Variants in CNTNAP2 observed in about 807,000 individuals in gnomAD.
The protein encoded by CNTNAP2 is contactin associated protein 2, also known as contactin-associated protein-like 2.
Under a neutral mutation model 155.2 loss-of-function variants are expected in CNTNAP2, and 98 were observed. That is an observed-to-expected ratio of 0.63 (90% confidence interval 0.54 to 0.75). CNTNAP2 has a LOEUF of 0.75. Among genes scored for constraint, CNTNAP2 ranks in the 30% least tolerant of loss-of-function variants. The probability of loss-of-function intolerance (pLI) is 0.00; values close to 1 mark genes in which losing one functional copy is unlikely to be tolerated. For missense variants in CNTNAP2, 1,727 were observed against 1,688.1 expected (o/e 1.02, Z -0.40); for synonymous variants, 651 against 631.2 (o/e 1.03, Z -0.47).
At chr7:146,266,354 A>T (rs1353755504) in intron 1 of CNTNAP2, among the ~76,000 whole-genome samples, 1 of 152,140 alleles carries the variant, frequency 6.6e-6, no homozygotes, top group East Asian at 1.9e-4. Context: ...AAAGCATCCC[A>T]CAGTTCTATA....
chr7:147,712,795 A>G (rs1796419277), intron 13 of CNTNAP2, among the ~76,000 whole-genome samples: 1 of 152,166 alleles, frequency 6.6e-6, no homozygotes, highest in Non-Finnish European at 1.5e-5. Context: ...CCTAATGTAA[A>G]TGACCAGTTA....
chr7:147,423,993 C>T (rs117458207), intron 10 of CNTNAP2, among the ~76,000 whole-genome samples: 222 of 152,308 alleles, frequency 1.5e-3, no homozygotes, highest in Middle Eastern at 6.8e-3. Flanking sequence ...ACTTGTGCTT[C>T]AGCATCTCCC....
chr7:147,829,679 A>C (rs958627699), intron 13 of CNTNAP2, among the ~76,000 whole-genome samples: 1 of 152,210 alleles, frequency 6.6e-6, no homozygotes, highest in Non-Finnish European at 1.5e-5. Flanking sequence ...CAAATCATGA[A>C]CACTCTACTA....
intron 1 of CNTNAP2, among the ~76,000 whole-genome samples, chr7:146,247,060 T>C (rs1449808817): frequency 6.6e-6 from 1 of 152,208 alleles, no homozygotes; most frequent in Non-Finnish European, 1.5e-5. Flanking sequence ...TTGTATTTAA[T>C]GTCGGGAGCA....
intron 1 of CNTNAP2, among the ~76,000 whole-genome samples, chr7:146,388,694 G>T (rs2129106190): frequency 6.6e-6 from 1 of 152,172 alleles, no homozygotes; most frequent in South Asian, 2.1e-4. Context: ...CAAATAGTAG[G>T]TCTTATTCAT....
chr7:146,696,046 C>T (rs1404300901), intron 1 of CNTNAP2, among the ~76,000 whole-genome samples: 4 of 152,002 alleles, frequency 2.6e-5, no homozygotes, highest in Non-Finnish European at 5.9e-5. Context: ...GTATTGCTGG[C>T]CTCCTAGAAT....
chr7:147,515,333 G>A (rs115688654), intron 11 of CNTNAP2, among the ~76,000 whole-genome samples: 1 of 133,690 alleles, frequency 7.5e-6, no homozygotes, highest in African/African-American at 2.7e-5. Context: ...TTTTTTGTTT[G>A]TTTGTTTTGA....
chr7:148,157,797 T>C, intron 17 of CNTNAP2, among the ~76,000 whole-genome samples: 1 of 152,190 alleles, frequency 6.6e-6, no homozygotes, highest in Non-Finnish European at 1.5e-5. Flanking sequence ...AGTGATGTCG[T>C]AATTAGAAAC....
chr7:147,005,769 A>T (rs534278091), intron 3 of CNTNAP2, among the ~76,000 whole-genome samples: 18 of 152,162 alleles, frequency 1.2e-4, no homozygotes, highest in Admixed American at 9.8e-4. Context: ...CAAATGGAAC[A>T]TTCCTTTAGA....
intron 8 of CNTNAP2, among the ~76,000 whole-genome samples, chr7:147,205,130 G>C (rs1201908317): frequency 2.0e-5 from 3 of 151,954 alleles, no homozygotes; most frequent in African/African-American, 7.2e-5. Flanking sequence ...AAAAGTTTTT[G>C]GGTTACATGA....
At chr7:148,125,452 GT>G (rs1259244067) in intron 16 of CNTNAP2, among the ~76,000 whole-genome samples, 1 of 152,030 alleles carries the variant, frequency 6.6e-6, no homozygotes, top group Non-Finnish European at 1.5e-5. Context: ...CGTACTCAAT[GT>G]TTAGCTTCCA....
At chr7:146,663,277 CAAAAAAAAA>C (rs543257224) in intron 1 of CNTNAP2, among the ~76,000 whole-genome samples, 1 of 33,244 alleles carries the variant, frequency 3.0e-5, no homozygotes, top group South Asian at 1.8e-3. Context: ...AACTCCATCT[CAAAAAAAAA>C]AAAAAAAAAA....
chr7:147,336,260 G>A (rs532300033), intron 9 of CNTNAP2, among the ~76,000 whole-genome samples: 6 of 152,086 alleles, frequency 3.9e-5, no homozygotes, highest in Non-Finnish European at 8.8e-5. Context: ...TGTTGTTGTT[G>A]CCATTGTTGT....
chr7:146,847,629 T>C (rs895440627), intron 3 of CNTNAP2, among the ~76,000 whole-genome samples: 3 of 152,196 alleles, frequency 2.0e-5, no homozygotes, highest in Non-Finnish European at 4.4e-5. Context: ...AAATTTAAAA[T>C]AGCCTGTTAC....
intron 1 of CNTNAP2, among the ~76,000 whole-genome samples, chr7:146,172,943 G>A (rs1413434707): frequency 6.6e-6 from 1 of 152,060 alleles, no homozygotes; most frequent in African/African-American, 2.4e-5. Flanking sequence ...AAGTACTAAA[G>A]CCTGCTTAGT....
intron 8 of CNTNAP2, among the ~76,000 whole-genome samples, chr7:147,173,482 A>G (rs1359272362): frequency 6.6e-6 from 1 of 152,204 alleles, no homozygotes; most frequent in Non-Finnish European, 1.5e-5. Context: ...CCTATAAAGC[A>G]GATGAGATTA....
At chr7:146,512,133 A>G (rs1797476093) in intron 1 of CNTNAP2, among the ~76,000 whole-genome samples, 1 of 151,790 alleles carries the variant, frequency 6.6e-6, no homozygotes, top group African/African-American at 2.4e-5. Flanking sequence ...CAAAGCTGTA[A>G]TGTCTCCTTT....
intron 1 of CNTNAP2, among the ~76,000 whole-genome samples, chr7:146,591,424 ATG>A (rs1798782132): frequency 6.6e-5 from 10 of 151,752 alleles, no homozygotes; most frequent in African/African-American, 2.4e-4. Context: ...TAATTGAGAA[ATG>A]TAAAATAATT....
At chr7:147,022,563 C>T (rs534676077) in intron 3 of CNTNAP2, among the ~76,000 whole-genome samples, 20 of 150,158 alleles carry the variant, frequency 1.3e-4, no homozygotes, top group Non-Finnish European at 2.5e-4. Flanking sequence ...TATACATATA[C>T]GCACACATGT....
Sources: gnomAD v4.1 joint callset for allele counts (sites outside exome capture counted in the v4.1 genomes callset) on GRCh38, gnomAD v4.1.1 for gene constraint, MANE v1.5 for transcripts, NCBI Gene and HGNC (gene_info 2026-07-23, HGNC 2026-07-21) for gene names.